The following ASB17 variants were observed in gnomAD, a reference collection of about 807,000 sequenced individuals.
ASB17 encodes ankyrin repeat and SOCS box protein 17.
In ASB17, 26 loss-of-function variants were observed where a neutral mutation model predicts 25.7. The observed-to-expected ratio is 1.01, with a 90% CI of 0.74 to 1.40. The LOEUF (loss-of-function observed/expected upper bound fraction) is 1.40, where lower values mean the gene tolerates loss of function less well. ASB17 is among the 40% of genes most tolerant of loss of function. The pLI, the probability that ASB17 is intolerant of heterozygous loss-of-function variation, is 0.00. For missense variants in ASB17, 326 were observed against 338.5 expected (o/e 0.96, Z 0.29); for synonymous variants, 128 against 121.4 (o/e 1.05, Z -0.36).
chr1:75,932,097 T>A lies in ASB17; in HGVS notation c.195A>T (p.Ala65=), dbSNP rs763022858. ...CAAATGCAATGTAATCTGTGAGTAG[T>A]GCGTCAAAACCATCCAAGTCCACAT... is the stretch of plus-strand genomic sequence containing the variant. ...LRYVDLDGFD[A]LLTDYIAFVE... Residue 65 remains alanine, a synonymous_variant, in exon 1 of 3, where the codon GCA becomes GCT. Transcript: ENST00000284142. 1 of 1,614,128 alleles carries A rather than the reference T, an allele frequency of 6.2e-7. No homozygotes were observed. Among genetic ancestry groups the A allele is most frequent in the South Asian group, 1.1e-5 (1 of 91,070 alleles).
intron 2 of ASB17, among the ~76,000 whole-genome samples, chr1:75,921,870 A>G (rs933485164): frequency 6.6e-6 from 1 of 152,108 alleles, no homozygotes; most frequent in African/African-American, 2.4e-5. Context: ...AACTATACAT[A>G]TAACTTAAAA....
chr1:75,930,418 T>C (rs983257297), intron 1 of ASB17, among the ~76,000 whole-genome samples: 3 of 150,182 alleles, frequency 2.0e-5, no homozygotes, highest in African/African-American at 7.3e-5. Flanking sequence ...AAGGAACGGT[T>C]TACCTAAGGA....
chr1:75,930,758 A>G (rs1201112790), intron 1 of ASB17, among the ~76,000 whole-genome samples: 2 of 152,162 alleles, frequency 1.3e-5, no homozygotes, highest in South Asian at 4.2e-4. Flanking sequence ...ATTTTTAAAA[A>G]TTTATTCTCT....
At chr1:75,920,927 A>G (rs1287336262) in intron 2 of ASB17, among the ~76,000 whole-genome samples, 1 of 152,090 alleles carries the variant, frequency 6.6e-6, no homozygotes, top group Non-Finnish European at 1.5e-5. Context: ...GGCGCCCGCC[A>G]CCATGCCCAG....
At chr1:75,923,363 C>T (rs1486214493) in intron 1 of ASB17, among the ~76,000 whole-genome samples, 1 of 152,032 alleles carries the variant, frequency 6.6e-6, no homozygotes, top group Non-Finnish European at 1.5e-5. Flanking sequence ...ATTTCTCTTC[C>T]CTTATGACAG....
intron 1 of ASB17, 135 bp downstream of exon 1, chr1:75,931,754 ACG>A (rs961958078): frequency 3.1e-6 from 2 of 649,270 alleles, no homozygotes; most frequent in African/African-American, 3.7e-5. Context: ...AGGAGTGAAC[ACG>A]TGGTCAAGCA....
chr1:75,931,678 C>T (rs1464603312), intron 1 of ASB17, among the ~76,000 whole-genome samples: 2 of 151,696 alleles, frequency 1.3e-5, no homozygotes, highest in Non-Finnish European at 2.9e-5. Flanking sequence ...AGCAGAATCA[C>T]TAATGATTTA....
At chr1:75,929,388 CT>C (rs1264500254) in intron 1 of ASB17, among the ~76,000 whole-genome samples, 2 of 111,718 alleles carry the variant, frequency 1.8e-5, no homozygotes, top group African/African-American at 6.2e-5. Flanking sequence ...CTGCGCCCAG[CT>C]AATTTTTTTT....
At chr1:75,919,440 G>A (rs1026851335) in intron 2 of ASB17, among the ~76,000 whole-genome samples, 1 of 151,748 alleles carries the variant, frequency 6.6e-6, no homozygotes, top group Non-Finnish European at 1.5e-5. Flanking sequence ...CAATGTGCAG[G>A]TTAGTTACAT....
At position 75,921,954 on chromosome 1, in the gene ASB17, A is replaced by G. The variant is rs1039644906; in HGVS notation, c.681+126T>C. On this transcript the variant is annotated intron_variant, in intron 2 of 2. Coordinates refer to ENST00000284142, the MANE Select transcript of ASB17 (RefSeq NM_080868.3). ...TTCCCTATTATTTTTATTAATAGGC[A>G]TATACTCAATGATCTGTCACTGGAC... The G allele has an allele frequency of 1.2e-5, 9 of 778,562 alleles. No homozygotes were observed. The Admixed American group carries it at 1.8e-4, about 15-fold the overall frequency. 48.2% of individuals were successfully genotyped at this position (778,562 alleles called of 1,614,324 possible). A position where few individuals can be genotyped will look rare whatever the true frequency, so the allele number is the denominator to read the frequency against.
chr1:75,928,998 G>C (rs78198645), intron 1 of ASB17, among the ~76,000 whole-genome samples: 1 of 152,136 alleles, frequency 6.6e-6, no homozygotes, highest in Non-Finnish European at 1.5e-5. Context: ...TATTTATACT[G>C]TGACCTAGCT....
chr1:75,922,117 G>A lies in ASB17; in HGVS notation c.644C>T (p.Ser215Phe). ...EDAKTCLVLC[S>F]RVLSVISVKE... ...GACTGAAATGACAGAAAGCACTCTG[G>A]AACATAGTACCAAACATGTTTTGGC... The change falls in exon 2 of 3, where the codon TCC becomes TTC. Residue 215 changes from serine to phenylalanine, a missense_variant. By Grantham distance (155) the Ser-to-Phe change is radical. Coordinates refer to ENST00000284142, the MANE Select transcript of ASB17 (RefSeq NM_080868.3). 6.2e-7 allele frequency: 1 copy of A among 1,613,046 alleles called. No individual in the cohort carries two copies. The highest frequency in any genetic ancestry group is 1.1e-5 in the South Asian group (1 of 90,938).
At chr1:75,923,432 G>A (rs1653083611) in intron 1 of ASB17, among the ~76,000 whole-genome samples, 1 of 152,054 alleles carries the variant, frequency 6.6e-6, no homozygotes. Flanking sequence ...TCATTTAATA[G>A]ACTTTTATGC....
chr1:75,929,851 T>C (rs1275782883), intron 1 of ASB17, among the ~76,000 whole-genome samples: 1 of 151,538 alleles, frequency 6.6e-6, no homozygotes, highest in Non-Finnish European at 1.5e-5. Context: ...ACTGATGTGT[T>C]GAAGCAAAGG....
chr1:75,922,203 T>C lies in ASB17; in HGVS notation c.558A>G (p.Val186=). The change falls in exon 2 of 3, where the codon GTA becomes GTG. Residue 186 remains valine (V), a synonymous_variant. Coordinates refer to ENST00000284142, the MANE Select transcript of ASB17 (RefSeq NM_080868.3). ...KNPINIVLTI[V]LYPSRVRVMV... ...TTACTCTTACTCTCGAAGGGTAGAGTACTATTGTTAAGACAATGTTGATAG... is the reference window on the plus strand; with the variant it reads ...TTACTCTTACTCTCGAAGGGTAGAGCACTATTGTTAAGACAATGTTGATAG... The C allele has an allele frequency of 6.2e-7, 1 of 1,613,902 alleles. No homozygotes were observed. Among genetic ancestry groups the C allele is most frequent in the Non-Finnish European group, 8.5e-7 (1 of 1,179,874 alleles).
At chr1:75,923,285 G>A (rs1485460035) in intron 1 of ASB17, among the ~76,000 whole-genome samples, 1 of 152,088 alleles carries the variant, frequency 6.6e-6, no homozygotes, top group Non-Finnish European at 1.5e-5. Flanking sequence ...TTTTCTTCTT[G>A]AGTAAAATTT....
At chr1:75,930,140 A>G (rs1010334006) in intron 1 of ASB17, among the ~76,000 whole-genome samples, 26 of 150,022 alleles carry the variant, frequency 1.7e-4, no homozygotes, top group African/African-American at 6.3e-4. Context: ...ATTTAAAGTC[A>G]TATGACTATA....
intron 2 of ASB17, among the ~76,000 whole-genome samples, chr1:75,919,548 C>T (rs77585798): frequency 0.13 from 19,372 of 152,128 alleles, 1,395 homozygotes; most frequent in East Asian, 0.25. Flanking sequence ...CCCCCTACCC[C>T]ACAACAGTAC....
intron 1 of ASB17, among the ~76,000 whole-genome samples, chr1:75,923,134 T>A (rs1179388224): frequency 6.6e-6 from 1 of 152,202 alleles, no homozygotes; most frequent in Non-Finnish European, 1.5e-5. Flanking sequence ...GACATGAACT[T>A]GAATTGAGTT....
Sources: gnomAD v4.1 joint callset for allele counts (sites outside exome capture counted in the v4.1 genomes callset) on GRCh38, gnomAD v4.1.1 for gene constraint, MANE v1.5 for transcripts, NCBI Gene and HGNC (gene_info 2026-07-23, HGNC 2026-07-21) for gene names.